The following LDHAL6A variants were observed in gnomAD, a reference collection of about 807,000 sequenced individuals.
LDHAL6A encodes L-lactate dehydrogenase A-like 6A.
LDHAL6A carries 19 observed loss-of-function variants against 28.2 expected under a neutral mutation model. The ratio of observed to expected loss-of-function variants is 0.67; its 90% CI spans 0.47 to 0.99. LDHAL6A has a LOEUF of 0.99. LDHAL6A is among the 50% of genes least tolerant of loss of function. The probability of loss-of-function intolerance (pLI) is 0.00; values close to 1 mark genes in which losing one functional copy is unlikely to be tolerated. For missense variants in LDHAL6A, 372 were observed against 398.6 expected, an observed-to-expected ratio of 0.93 and a Z score of 0.57; for synonymous variants, 144 against 134.4, an observed-to-expected ratio of 1.07 and a Z score of -0.49.
chr11:18,477,786 T>C, intron 6 of LDHAL6A, 43 bp downstream of exon 6: 4 of 1,557,778 alleles, frequency 2.6e-6, no homozygotes, highest in Admixed American at 2.0e-5. Flanking sequence ...CAACATAAAA[T>C]AGGGGGGTAA....
chr11:18,464,124 C>A, intron 2 of LDHAL6A, 46 bp downstream of exon 2: 1 of 1,250,382 alleles, frequency 8.0e-7, no homozygotes, highest in Non-Finnish European at 1.2e-6. Flanking sequence ...TATACATGAA[C>A]AAGTATCTAA....
chr11:18,469,161 T>C, intron 3 of LDHAL6A: 2 of 620,222 alleles, frequency 3.2e-6, no homozygotes, highest in Non-Finnish European at 5.7e-6. Flanking sequence ...CTCAGAGTTG[T>C]GAAGGCACCT....
At chr11:18,476,992 T>C (rs1292618258) in intron 5 of LDHAL6A, among the ~76,000 whole-genome samples, 3 of 151,548 alleles carry the variant, frequency 2.0e-5, no homozygotes, top group Admixed American at 1.3e-4. Flanking sequence ...TGTGGGAGGA[T>C]CACTTGAGCC....
At chr11:18,464,987 G>GTTTTTT (rs1449560278) in intron 2 of LDHAL6A, among the ~76,000 whole-genome samples, 13 of 104,346 alleles carry the variant, frequency 1.2e-4, no homozygotes, top group Admixed American at 3.0e-4. Context: ...GTTTTTTTTT[G>GTTTTTT]TTTTGTTTTG....
At chr11:18,474,493 TCTC>T (rs1191927822) in intron 3 of LDHAL6A, among the ~76,000 whole-genome samples, 5 of 151,548 alleles carry the variant, frequency 3.3e-5, no homozygotes, top group African/African-American at 1.2e-4. Flanking sequence ...TTCAAGCAAT[TCTC>T]CTGCCTCAGT....
chr11:18,460,447 G>C (rs995731209), intron 1 of LDHAL6A, among the ~76,000 whole-genome samples: 1 of 151,804 alleles, frequency 6.6e-6, no homozygotes, highest in African/African-American at 2.4e-5. Context: ...TAAAAAACTA[G>C]CTGGGCACGG....
Position 18,475,574 on chromosome 11 carries a change from A to C in LDHAL6A, c.527A>C (p.Gln176Pro), listed in dbSNP as rs531491710. Residue 176 changes from glutamine to proline, a missense_variant, in exon 4 of 7, where the codon CAA becomes CCA. By Grantham distance (76) the Gln-to-Pro change is moderately conservative. Transcript: ENST00000280706. ...DSARFRYFIG[Q>P]RLGIHSESCH... ...GCTCGTTTTCGTTACTTTATTGGGC[A>C]AAGGCTTGGCATCCACTCTGAAAGC... The C allele has an allele frequency of 3.7e-6, 6 of 1,614,144 alleles. No homozygotes were observed. The highest frequency in any genetic ancestry group is 5.1e-6 in the Non-Finnish European group (6 of 1,180,024).
chr11:18,460,265 C>T (rs992612018), intron 1 of LDHAL6A, among the ~76,000 whole-genome samples: 1 of 152,042 alleles, frequency 6.6e-6, no homozygotes, highest in African/African-American at 2.4e-5. Context: ...AAGACCCTGT[C>T]TCTAAAATAT....
At chr11:18,469,831 CAAAACA>C (rs149456650) in intron 3 of LDHAL6A, among the ~76,000 whole-genome samples, 1,725 of 152,186 alleles carry the variant, frequency 0.011, 40 homozygotes, top group East Asian at 0.068. Context: ...TACTCTAATA[CAAAACA>C]AAAACAAAAA....
intron 1 of LDHAL6A, among the ~76,000 whole-genome samples, chr11:18,457,495 A>T (rs1392534021): frequency 6.6e-6 from 1 of 152,170 alleles, no homozygotes; most frequent in Non-Finnish European, 1.5e-5. Context: ...TCCTGGCATG[A>T]GTCATTGGAT....
intron 3 of LDHAL6A, chr11:18,469,323 G>A (rs1849201157): frequency 4.5e-6 from 2 of 439,588 alleles, no homozygotes; most frequent in Non-Finnish European, 8.1e-6. Context: ...GCGTCATTAA[G>A]GTTATATGAT....
chr11:18,471,784 T>A (rs1487853801), intron 3 of LDHAL6A, among the ~76,000 whole-genome samples: 19 of 138,402 alleles, frequency 1.4e-4, no homozygotes, highest in South Asian at 2.5e-4. Flanking sequence ...AAAAAAAAAT[T>A]TTTTCCAAAA....
rs777362544 is a variant in LDHAL6A at position 18,456,789 on chromosome 11, A to G, written c.109A>G (p.Ile37Val). Reference sequence around the variant, plus strand: ...TGGATCGGTTGGTGTGGCTTGTGCTATCAGCATCTTATTAAAAGTAAGTTG... The same window carrying G: ...TGGATCGGTTGGTGTGGCTTGTGCTGTCAGCATCTTATTAAAAGTAAGTTG... ...GTGSVGVACA[I>V]SILLKGLSDE... The change falls in exon 1 of 7, where the codon ATC becomes GTC. Residue 37 changes from isoleucine to valine, a missense_variant. Around this residue, in one of 3 missense-constraint regions of LDHAL6A, gnomAD observed 77 missense variants for 77.9 expected, o/e 0.99. Coordinates refer to ENST00000280706, the MANE Select transcript of LDHAL6A (RefSeq NM_144972.5). 2.5e-6 allele frequency: 4 copies of G among 1,612,476 alleles called. No homozygotes were observed. Among genetic ancestry groups the G allele is most frequent in the Non-Finnish European group, 3.4e-6 (4 of 1,179,702 alleles).
intron 3 of LDHAL6A, among the ~76,000 whole-genome samples, chr11:18,467,421 A>G (rs1343949139): frequency 6.6e-6 from 1 of 152,136 alleles, no homozygotes; most frequent in Non-Finnish European, 1.5e-5. Flanking sequence ...TTGTTACTAC[A>G]TACGTTTTTC....
rs191515075 is a variant in LDHAL6A, at chr11:18,465,684, G to C, written c.292G>C (p.Ala98Pro). Reference sequence around the variant, plus strand: ...CAATCTAGTGATTATCACAGCAGGTGCACGCCAGAAAAAAGGAGAAACACG... The same window carrying C: ...CAATCTAGTGATTATCACAGCAGGTCCACGCCAGAAAAAAGGAGAAACACG... ...NSNLVIITAG[A>P]RQKKGETRLD... Residue 98 changes from alanine (A) to proline (P), a missense_variant, in exon 3 of 7, where the codon GCA becomes CCA. Ala to Pro is a conservative substitution (Grantham distance 27). Transcript: ENST00000280706. The C allele has an allele frequency of 6.2e-7, 1 of 1,613,886 alleles. No individual in the cohort carries two copies. The highest frequency in any genetic ancestry group is 8.5e-7 in the Non-Finnish European group (1 of 1,179,932).
At position 18,456,395 on chromosome 11, in the gene LDHAL6A, CCT is replaced by C. The variant is rs752686861; in HGVS notation, c.-285_-284del. The C allele has an allele frequency of 4.5e-3, 1,446 of 319,574 alleles. 6 individuals carry two copies. The highest frequency in any genetic ancestry group is 6.0e-3 in the Non-Finnish European group (1,068 of 176,824). 19.8% of individuals were successfully genotyped at this position (319,574 alleles called of 1,614,324 possible). The stretch of plus-strand genomic sequence containing the variant: ...TAGTTTCATGTTTGGTGGAGCAACC[CCT>C]GTTCCTTTCCTCTCTCTCTCTCTTA... On this transcript the variant is annotated 5_prime_UTR_variant, in exon 1 of 7. An upstream open reading frame in the 5' UTR gains an earlier in-frame stop. Transcript: ENST00000280706.
chr11:18,467,965 ATACG>A lies in LDHAL6A; in HGVS notation c.418+2158_418+2161del, dbSNP rs1401103437. ...CACACATATATATATACGTATATAT[ATACG>A]TATATATATACGTATATATATGCAT... is the stretch of plus-strand genomic sequence containing the variant. On this transcript the variant is annotated intron_variant, in intron 3 of 6. Coordinates refer to ENST00000280706, the MANE Select transcript of LDHAL6A (RefSeq NM_144972.5). Among the ~76,000 whole-genome samples, 212 of 22,476 alleles carry A rather than the reference ATACG, an allele frequency of 9.4e-3. 19 individuals are homozygous for A. The highest frequency in any genetic ancestry group is 0.019 in the African/African-American group (183 of 9,786). 14.7% of individuals were successfully genotyped at this position (22,476 alleles called of 152,430 possible).
chr11:18,461,247 C>T (rs892730327), intron 1 of LDHAL6A, among the ~76,000 whole-genome samples: 31 of 151,652 alleles, frequency 2.0e-4, no homozygotes, highest in African/African-American at 7.3e-4. Flanking sequence ...TGGGTTCAAG[C>T]GATTCATCTG....
intron 1 of LDHAL6A, among the ~76,000 whole-genome samples, chr11:18,459,738 C>A (rs911362700): frequency 6.6e-6 from 1 of 152,204 alleles, no homozygotes; most frequent in African/African-American, 2.4e-5. Flanking sequence ...GTTCCATGAT[C>A]CCATCCAGGA....
Sources: allele counts gnomAD v4.1 joint callset (sites outside exome capture counted in the v4.1 genomes callset), GRCh38; gene constraint gnomAD v4.1.1; regional missense constraint gnomAD v4.1.1; transcripts MANE v1.5; gene names NCBI Gene and HGNC (gene_info 2026-07-23, HGNC 2026-07-21).